PPP2R3A: variants seen among roughly 807,000 people sequenced by gnomAD.
The protein encoded by PPP2R3A is protein phosphatase 2 regulatory subunit B''alpha, also known as serine/threonine-protein phosphatase 2A regulatory subunit B'' subunit alpha.
In PPP2R3A, 80 loss-of-function variants were observed where a neutral mutation model predicts 106.9. That is an observed-to-expected ratio of 0.75 (90% CI 0.62 to 0.90). The LOEUF (loss-of-function observed/expected upper bound fraction) is 0.90, where lower values mean the gene tolerates loss of function less well. Ranked by LOEUF, PPP2R3A falls within the 40% of genes least tolerant of loss-of-function variation. PPP2R3A has a pLI of 0.00. For missense variants in PPP2R3A, 1,386 were observed against 1,350.4 expected (o/e 1.03, Z -0.41); for synonymous variants, 483 against 468.3 (o/e 1.03, Z -0.41).
At chr3:136,046,106 G>A (rs1559887011) in intron 4 of PPP2R3A, among the ~76,000 whole-genome samples, 1 of 152,060 alleles carries the variant, frequency 6.6e-6, no homozygotes, top group Non-Finnish European at 1.5e-5. Context: ...GAGCCCAGAA[G>A]GTTGAGGCTG....
At chr3:136,087,590 T>C (rs1420650511) in intron 8 of PPP2R3A, 2 of 237,550 alleles carry the variant, frequency 8.4e-6, no homozygotes, top group Admixed American at 5.5e-5. Context: ...ATTGGTCTCA[T>C]TGGATAAGAT....
chr3:136,105,718 T>C (rs927658487), intron 12 of PPP2R3A, among the ~76,000 whole-genome samples: 1 of 152,048 alleles, frequency 6.6e-6, no homozygotes, highest in Admixed American at 6.5e-5. Flanking sequence ...TCCCAGCACT[T>C]TGGGACGCTG....
intron 2 of PPP2R3A, among the ~76,000 whole-genome samples, chr3:136,005,766 A>G (rs1231796497): frequency 1.3e-5 from 2 of 152,206 alleles, no homozygotes; most frequent in Non-Finnish European, 2.9e-5. Context: ...GTTATTGTGA[A>G]CTAAGGCATA....
At position 135,998,502 on chromosome 3, in the gene PPP2R3A, G is replaced by C. The variant is rs571672172; in HGVS notation, c.-440-2557G>C. ...CAAATTACCAAAAATTTAAAGAGAG[G>C]AATCAGTCCAAGAAAACATGGAGAA... On this transcript the variant is annotated intron_variant, in intron 1 of 13. Coordinates refer to ENST00000264977, the MANE Select transcript of PPP2R3A (RefSeq NM_002718.5). Among the ~76,000 whole-genome samples, 4 of 152,186 alleles carry C rather than the reference G, an allele frequency of 2.6e-5. No homozygotes were observed. The South Asian group carries it at 8.3e-4, about 32-fold the overall frequency.
chr3:135,995,448 T>C (rs200535258), intron 1 of PPP2R3A, among the ~76,000 whole-genome samples: 1 of 60,316 alleles, frequency 1.7e-5, no homozygotes, highest in East Asian at 3.8e-4. Context: ...CGTTGACAGA[T>C]TTTTTTTTTT....
rs543517420 is a variant in PPP2R3A, at chr3:136,129,210, C to CA, written c.3330-15827dup. ...AGATAGAGACAAAAAAAAAAACCTT[C>CA]AAAAAATCAATGAATCCAGGAGGTG... On this transcript the variant is annotated intron_variant, in intron 13 of 13. Coordinates refer to ENST00000264977, the MANE Select transcript of PPP2R3A (RefSeq NM_002718.5). 3.5e-3 allele frequency among the ~76,000 whole-genome samples: 525 copies of CA among 150,528 alleles called. 7 individuals are homozygous for CA. In the East Asian group the frequency reaches 0.047, roughly 14 times the overall value.
chr3:136,071,003 A>C (rs541223096), intron 6 of PPP2R3A, among the ~76,000 whole-genome samples: 2 of 152,260 alleles, frequency 1.3e-5, no homozygotes, highest in African/African-American at 2.4e-5. Context: ...ACATGATCAC[A>C]ATCTCATTTT....
intron 1 of PPP2R3A, 91 bp downstream of exon 1, chr3:135,965,940 A>C (rs1576396707): frequency 8.5e-6 from 1 of 117,454 alleles, no homozygotes; most frequent in Non-Finnish European, 1.8e-5. Context: ...CGGCGCGCGG[A>C]GGCCGGGGCG....
chr3:136,129,766 C>CAAT (rs1479027654), intron 13 of PPP2R3A, among the ~76,000 whole-genome samples: 2 of 151,424 alleles, frequency 1.3e-5, no homozygotes, highest in Admixed American at 6.6e-5. Context: ...CAAAAATCCT[C>CAAT]AAAATACTGG....
chr3:136,136,727 T>C (rs2108027062), intron 13 of PPP2R3A, among the ~76,000 whole-genome samples: 1 of 152,252 alleles, frequency 6.6e-6, no homozygotes, highest in African/African-American at 2.4e-5. Flanking sequence ...ATATCTACAG[T>C]AGTCCAGATG....
At chr3:135,998,038 T>G (rs1933471832) in intron 1 of PPP2R3A, among the ~76,000 whole-genome samples, 1 of 152,248 alleles carries the variant, frequency 6.6e-6, no homozygotes, top group Non-Finnish European at 1.5e-5. Flanking sequence ...CTCCTTAGTT[T>G]AGCATACAAA....
intron 13 of PPP2R3A, among the ~76,000 whole-genome samples, chr3:136,108,244 A>C (rs550667049): frequency 6.8e-6 from 1 of 146,258 alleles, no homozygotes; most frequent in African/African-American, 2.8e-5. Flanking sequence ...GTGGATGTTT[A>C]TAATAGTGAA....
intron 6 of PPP2R3A, among the ~76,000 whole-genome samples, chr3:136,073,092 C>G (rs1161923742): frequency 6.6e-6 from 1 of 152,140 alleles, no homozygotes; most frequent in Non-Finnish European, 1.5e-5. Context: ...CTCAGCCTCC[C>G]AAGTAGCTGG....
intron 5 of PPP2R3A, among the ~76,000 whole-genome samples, chr3:136,057,188 A>G (rs1274327921): frequency 6.6e-6 from 1 of 152,164 alleles, no homozygotes; most frequent in Non-Finnish European, 1.5e-5. Flanking sequence ...ATCCGGAAAT[A>G]TCCAAAAGAA....
chr3:136,138,605 A>C (rs139569460), intron 13 of PPP2R3A, among the ~76,000 whole-genome samples: 2 of 149,602 alleles, frequency 1.3e-5, no homozygotes, highest in African/African-American at 2.5e-5. Context: ...TAAGTGGCTT[A>C]GGATATCTAT....
chr3:136,124,299 G>A (rs1414609810), intron 13 of PPP2R3A, among the ~76,000 whole-genome samples: 1 of 152,142 alleles, frequency 6.6e-6, no homozygotes, highest in East Asian at 1.9e-4. Context: ...AGATCAGACT[G>A]GGCAGCACAG....
intron 10 of PPP2R3A, among the ~76,000 whole-genome samples, chr3:136,099,784 G>C (rs1937310952): frequency 1.3e-5 from 2 of 151,968 alleles, no homozygotes; most frequent in South Asian, 4.1e-4. Context: ...AATTAATTTT[G>C]TTGTATATCT....
At chr3:136,068,512 C>A (rs750398427) in intron 5 of PPP2R3A, among the ~76,000 whole-genome samples, 10 of 152,060 alleles carry the variant, frequency 6.6e-5, no homozygotes, top group African/African-American at 2.4e-4. Flanking sequence ...CAGAGCAAGA[C>A]TCCGTCTCAA....
At chr3:136,133,286 A>G (rs991465963) in intron 13 of PPP2R3A, among the ~76,000 whole-genome samples, 2 of 152,192 alleles carry the variant, frequency 1.3e-5, no homozygotes, top group Admixed American at 6.5e-5. Context: ...ATATGTAAAG[A>G]ACTCTAAATA....
Sources: gnomAD v4.1 joint callset for allele counts (sites outside exome capture counted in the v4.1 genomes callset) on GRCh38, gnomAD v4.1.1 for gene constraint, MANE v1.5 for transcripts, NCBI Gene and HGNC (gene_info 2026-07-23, HGNC 2026-07-21) for gene names.